The following MAML3 variants were observed in gnomAD, a reference collection of about 807,000 sequenced individuals.
MAML3 encodes mastermind-like protein 3.
A neutral mutation model predicts 101.9 loss-of-function variants in MAML3; 27 were observed. That is an observed-to-expected ratio of 0.27 (90% CI 0.20 to 0.37). The LOEUF is 0.37. Among genes scored for constraint, MAML3 ranks in the 10% least tolerant of loss-of-function variants. MAML3 has a pLI of 1.00. For missense variants in MAML3, 1,316 were observed against 1,444.9 expected, an observed-to-expected ratio of 0.91 and a Z score of 1.45; for synonymous variants, 501 against 555.9, an observed-to-expected ratio of 0.90 and a Z score of 1.39.
chr4:139,885,719 C>A lies in MAML3; in HGVS notation c.2079+3638G>T, dbSNP rs1442470547. 2.7e-5 allele frequency among the ~76,000 whole-genome samples: 4 copies of A among 147,350 alleles called. No homozygotes were observed. In the South Asian group the frequency reaches 8.6e-4, roughly 32 times the overall value. ...CGGGCGGATCACGAGGTCAGGAGATCGAGACCATCCTGGCTAACACGGTGA... is the reference window on the plus strand; with the variant it reads ...CGGGCGGATCACGAGGTCAGGAGATAGAGACCATCCTGGCTAACACGGTGA... On this transcript the variant is annotated intron_variant, in intron 2 of 4. Transcript: ENST00000509479.
intron 2 of MAML3, among the ~76,000 whole-genome samples, chr4:139,868,914 G>C (rs981723084): frequency 2.0e-5 from 3 of 152,146 alleles, no homozygotes; most frequent in Non-Finnish European, 4.4e-5. Context: ...CACAGGAAAA[G>C]AATTCTAAAA....
intron 1 of MAML3, among the ~76,000 whole-genome samples, chr4:140,152,169 A>C (rs1729183309): frequency 6.6e-6 from 1 of 152,056 alleles, no homozygotes; most frequent in South Asian, 2.1e-4. Flanking sequence ...CAAAGAGCGG[A>C]GCGCACCCGC....
intron 1 of MAML3, among the ~76,000 whole-genome samples, chr4:140,015,240 G>T (rs1168592327): frequency 6.6e-6 from 1 of 151,924 alleles, no homozygotes; most frequent in Admixed American, 6.6e-5. Context: ...GTCAGAAAAA[G>T]AAAAGCAAAG....
intron 2 of MAML3, among the ~76,000 whole-genome samples, chr4:139,805,309 T>G (rs1730682343): frequency 6.6e-6 from 1 of 152,200 alleles, no homozygotes; most frequent in African/African-American, 2.4e-5. Context: ...GAAATAGAAG[T>G]TGGACATTTC....
chr4:139,840,675 A>C (rs1044784246), intron 2 of MAML3, among the ~76,000 whole-genome samples: 3 of 152,190 alleles, frequency 2.0e-5, no homozygotes, highest in African/African-American at 7.2e-5. Flanking sequence ...GAACAGGTGG[A>C]GGTGGGGAGG....
intron 1 of MAML3, among the ~76,000 whole-genome samples, chr4:140,022,427 C>G (rs767259199): frequency 1.3e-5 from 2 of 152,112 alleles, no homozygotes; most frequent in Non-Finnish European, 2.9e-5. Flanking sequence ...TAAGACTTCT[C>G]ATTATTTGTA....
At chr4:139,938,794 T>G (rs1733550776) in intron 1 of MAML3, among the ~76,000 whole-genome samples, 1 of 152,220 alleles carries the variant, frequency 6.6e-6, no homozygotes, top group Non-Finnish European at 1.5e-5. Flanking sequence ...GTAATTAAAA[T>G]AACGAGACTA....
chr4:139,772,022 G>C (rs1247914966), intron 2 of MAML3, among the ~76,000 whole-genome samples: 1 of 151,252 alleles, frequency 6.6e-6, no homozygotes, highest in Non-Finnish European at 1.5e-5. Context: ...GGCGGATCAC[G>C]AGGTCAGCAG....
chr4:139,948,814 C>T (rs1413059954), intron 1 of MAML3, among the ~76,000 whole-genome samples: 2 of 152,144 alleles, frequency 1.3e-5, no homozygotes, highest in Non-Finnish European at 2.9e-5. Flanking sequence ...CACAAGATCC[C>T]TGTAAGGTAG....
chr4:140,018,304 G>C (rs1726679010), intron 1 of MAML3, among the ~76,000 whole-genome samples: 3 of 152,110 alleles, frequency 2.0e-5, no homozygotes, highest in Non-Finnish European at 4.4e-5. Context: ...AGTGGAAAAT[G>C]AATGTGCAAA....
intron 1 of MAML3, among the ~76,000 whole-genome samples, chr4:139,930,999 T>TG (rs1212235363): frequency 2.0e-5 from 3 of 152,064 alleles, no homozygotes; most frequent in Admixed American, 6.5e-5. Context: ...GTAACAGATG[T>TG]GGGGGAGAAG....
chr4:139,902,261 A>ACGCGCG (rs146598943), intron 1 of MAML3, among the ~76,000 whole-genome samples: 7,010 of 70,684 alleles, frequency 0.099, 266 homozygotes, highest in South Asian at 0.26. Context: ...ACGCACACAC[A>ACGCGCG]CGCACACACA....
At chr4:140,060,292 G>A (rs1011126778) in intron 1 of MAML3, among the ~76,000 whole-genome samples, 2 of 143,420 alleles carry the variant, frequency 1.4e-5, no homozygotes, top group African/African-American at 2.6e-5. Flanking sequence ...CTTGAACCCG[G>A]GAGGGGGAGG....
chr4:139,886,107 G>T (rs1186471499), intron 2 of MAML3, among the ~76,000 whole-genome samples: 1 of 151,686 alleles, frequency 6.6e-6, no homozygotes, highest in Admixed American at 6.6e-5. Flanking sequence ...AATTTTCTAG[G>T]AATGAGAACA....
chr4:140,109,847 G>A (rs1166138648), intron 1 of MAML3, among the ~76,000 whole-genome samples: 3 of 152,174 alleles, frequency 2.0e-5, no homozygotes, highest in Non-Finnish European at 2.9e-5. Context: ...ATGATCCCAT[G>A]CCCTGGTCAC....
intron 2 of MAML3, among the ~76,000 whole-genome samples, chr4:139,748,097 TGG>T (rs1729385925): frequency 6.9e-6 from 1 of 144,850 alleles, no homozygotes; most frequent in Non-Finnish European, 1.5e-5. Context: ...ATAGAGGTAG[TGG>T]GCCTTTGAAA....
intron 2 of MAML3, among the ~76,000 whole-genome samples, chr4:139,858,948 C>A (rs951078224): frequency 1.3e-5 from 2 of 152,088 alleles, no homozygotes; most frequent in Non-Finnish European, 2.9e-5. Context: ...TATCTGTCTA[C>A]TATGAACAAG....
chr4:139,820,974 TC>T (rs1039122232), intron 2 of MAML3, among the ~76,000 whole-genome samples: 4 of 152,208 alleles, frequency 2.6e-5, no homozygotes, highest in Admixed American at 1.3e-4. Context: ...TTGTTCTATA[TC>T]CATTTTTCAT....
chr4:140,000,633 C>T (rs919548767), intron 1 of MAML3, among the ~76,000 whole-genome samples: 3 of 152,144 alleles, frequency 2.0e-5, no homozygotes, highest in Non-Finnish European at 4.4e-5. Context: ...GAATTTTCTT[C>T]CTAAAGGAGA....
Sources: gnomAD v4.1 joint callset for allele counts (sites outside exome capture counted in the v4.1 genomes callset) on GRCh38, gnomAD v4.1.1 for gene constraint, MANE v1.5 for transcripts, NCBI Gene and HGNC (gene_info 2026-07-23, HGNC 2026-07-21) for gene names.